Variants in RABGAP1L observed in about 807,000 individuals in gnomAD.
RABGAP1L encodes the protein rab GTPase-activating protein 1-like.
In RABGAP1L, 63 loss-of-function variants were observed where a neutral mutation model predicts 137.7. The ratio of observed to expected loss-of-function variants is 0.46; its 90% CI spans 0.37 to 0.56. The LOEUF (loss-of-function observed/expected upper bound fraction) is 0.56. Ranked by LOEUF, RABGAP1L falls within the 20% of genes least tolerant of loss-of-function variation. The pLI is 0.00. For synonymous variants in RABGAP1L, 431 were observed against 433.7 expected, an observed-to-expected ratio of 0.99 and a Z score of 0.08; for missense variants, 1,095 against 1,244.0, an observed-to-expected ratio of 0.88 and a Z score of 1.80.
At chr1:174,755,499 T>C (rs1256178205) in intron 18 of RABGAP1L, among the ~76,000 whole-genome samples, 4 of 152,192 alleles carry the variant, frequency 2.6e-5, no homozygotes, top group Admixed American at 2.0e-4. Context: ...TAAAAGCAAA[T>C]GACAGAGTGT....
At chr1:174,241,094 G>A (rs1671779794) in intron 4 of RABGAP1L, among the ~76,000 whole-genome samples, 1 of 152,106 alleles carries the variant, frequency 6.6e-6, no homozygotes, top group African/African-American at 2.4e-5. Context: ...GCCAACGCGG[G>A]GGGTCACCTG....
chr1:174,897,335 G>A (rs955468576), intron 19 of RABGAP1L: 2 of 152,148 alleles, frequency 1.3e-5, no homozygotes, highest in Non-Finnish European at 2.9e-5. Flanking sequence ...AGGAGATTTT[G>A]GGCTAAGACG....
intron 13 of RABGAP1L, among the ~76,000 whole-genome samples, chr1:174,615,912 G>GT (rs1671805044): frequency 6.6e-6 from 1 of 152,184 alleles, no homozygotes; most frequent in Non-Finnish European, 1.5e-5. Context: ...CTGGTGCGCC[G>GT]TTTTTTAAGC....
intron 11 of RABGAP1L, chr1:174,367,361 TAC>T (rs1684734898): frequency 5.6e-6 from 1 of 178,656 alleles, no homozygotes; most frequent in East Asian, 1.8e-4. Flanking sequence ...TATCAATAGA[TAC>T]AGTCAGATTC....
intron 10 of RABGAP1L, among the ~76,000 whole-genome samples, chr1:174,287,923 T>C (rs1275906845): frequency 6.6e-6 from 1 of 152,208 alleles, no homozygotes; most frequent in Non-Finnish European, 1.5e-5. Context: ...TTTGCTGTCT[T>C]TCTTTATAAT....
chr1:174,250,445 C>T (rs1229093571), intron 5 of RABGAP1L, 30 bp from the exon 6 acceptor site: 1 of 1,568,178 alleles, frequency 6.4e-7, no homozygotes, highest in South Asian at 1.2e-5. Flanking sequence ...AAACCTTTGC[C>T]TAATGGTATT....
chr1:174,849,939 G>A, intron 19 of RABGAP1L: 2 of 688,504 alleles, frequency 2.9e-6, no homozygotes, highest in Non-Finnish European at 5.1e-6. Context: ...CTGCATGGAA[G>A]ACACAGGATC....
chr1:174,473,084 A>G (rs1232970132), intron 13 of RABGAP1L, among the ~76,000 whole-genome samples: 1 of 152,204 alleles, frequency 6.6e-6, no homozygotes, highest in Non-Finnish European at 1.5e-5. Context: ...TATTTTTGAG[A>G]AGTGTTAGGA....
chr1:174,617,641 A>T (rs943445142), intron 13 of RABGAP1L, among the ~76,000 whole-genome samples: 9 of 152,216 alleles, frequency 5.9e-5, no homozygotes, highest in African/African-American at 1.9e-4. Flanking sequence ...TATAACCTGA[A>T]TTGGCATAAA....
intron 18 of RABGAP1L, among the ~76,000 whole-genome samples, chr1:174,781,241 G>C (rs373146551): frequency 1.3e-5 from 2 of 152,116 alleles, no homozygotes; most frequent in African/African-American, 4.8e-5. Context: ...GTTGTTTCCT[G>C]ACTTTTTAAT....
chr1:174,701,100 C>T (rs926163572), intron 16 of RABGAP1L: 8 of 1,303,994 alleles, frequency 6.1e-6, no homozygotes, highest in Middle Eastern at 2.1e-4. Context: ...TTTTTGTGGT[C>T]TATTTAGGAA....
chr1:174,653,140 C>T (rs1280167573), intron 14 of RABGAP1L, among the ~76,000 whole-genome samples: 1 of 152,076 alleles, frequency 6.6e-6, no homozygotes. Flanking sequence ...TGGTGGACGC[C>T]CCTCCCCCAA....
At chr1:174,688,403 G>A (rs923442154) in intron 15 of RABGAP1L, among the ~76,000 whole-genome samples, 2 of 151,932 alleles carry the variant, frequency 1.3e-5, no homozygotes, top group African/African-American at 4.8e-5. Flanking sequence ...ATTTATAGAA[G>A]CTTTCCAACT....
rs553745520 is a variant in RABGAP1L at position 174,805,500 on chromosome 1, C to T, written c.2212-6332C>T. 9.2e-5 allele frequency among the ~76,000 whole-genome samples: 14 copies of T among 152,014 alleles called. No homozygotes were observed. In the South Asian group the frequency reaches 1.5e-3, roughly 16 times the overall value. On this transcript the variant is annotated intron_variant, in intron 18 of 25. Coordinates refer to ENST00000681986, the MANE Select transcript of RABGAP1L (RefSeq NM_001366446.1). ...TTCAAAAAGTTATCCTTTATTAGTTCTTATTTTATTTTATTTTTGGAGACA... is the reference window on the plus strand; with the variant it reads ...TTCAAAAAGTTATCCTTTATTAGTTTTTATTTTATTTTATTTTTGGAGACA...
intron 13 of RABGAP1L, among the ~76,000 whole-genome samples, chr1:174,422,098 T>C (rs1651383923): frequency 6.6e-6 from 1 of 152,150 alleles, no homozygotes; most frequent in Non-Finnish European, 1.5e-5. Flanking sequence ...CATTCCAGGA[T>C]TGGTTTCATA....
At chr1:174,453,587 TACTC>T (rs894287275) in intron 13 of RABGAP1L, among the ~76,000 whole-genome samples, 13 of 152,152 alleles carry the variant, frequency 8.5e-5, no homozygotes, top group African/African-American at 2.2e-4. Flanking sequence ...ATGTATGTGT[TACTC>T]AGTCAGTGCT....
At chr1:174,555,102 T>C (rs1666792120) in intron 13 of RABGAP1L, among the ~76,000 whole-genome samples, 1 of 152,194 alleles carries the variant, frequency 6.6e-6, no homozygotes, top group African/African-American at 2.4e-5. Context: ...ACTTTCACAA[T>C]TTTATATTTT....
intron 13 of RABGAP1L, among the ~76,000 whole-genome samples, chr1:174,498,487 ATTTTTAT>A (rs747039168): frequency 2.2e-4 from 33 of 151,950 alleles, no homozygotes; most frequent in African/African-American, 2.9e-4. Flanking sequence ...ACGTTATTTT[ATTTTTAT>A]TTTTTATTTT....
chr1:174,161,150 A>C (rs1453908507), intron 1 of RABGAP1L, among the ~76,000 whole-genome samples: 1 of 152,018 alleles, frequency 6.6e-6, no homozygotes, highest in African/African-American at 2.4e-5. Flanking sequence ...ATTCATTTGG[A>C]GAGAAGTAGA....
Sources: allele counts gnomAD v4.1 joint callset (sites outside exome capture counted in the v4.1 genomes callset), GRCh38; gene constraint gnomAD v4.1.1; transcripts MANE v1.5; gene names NCBI Gene and HGNC (gene_info 2026-07-23, HGNC 2026-07-21).